The following GRM7 variants were observed in gnomAD, a reference collection of about 807,000 sequenced individuals.
GRM7 encodes the protein glutamate metabotropic receptor 7, also known as metabotropic glutamate receptor 7.
GRM7 carries 35 observed loss-of-function variants against 84.5 expected under a neutral mutation model. The ratio of observed to expected loss-of-function variants is 0.41; its 90% CI spans 0.32 to 0.55. The LOEUF is 0.55. Ranked by LOEUF, GRM7 falls within the 20% of genes least tolerant of loss-of-function variation. The probability of loss-of-function intolerance (pLI) is 0.19; values close to 1 mark genes in which losing one functional copy is unlikely to be tolerated. For missense variants in GRM7, 1,003 were observed against 1,194.6 expected (o/e 0.84, Z 2.36); for synonymous variants, 487 against 455.1 (o/e 1.07, Z -0.89).
intron 7 of GRM7, among the ~76,000 whole-genome samples, chr3:7,504,832 A>C (rs575133294): frequency 6.6e-6 from 1 of 152,280 alleles, no homozygotes; most frequent in Admixed American, 6.5e-5. Context: ...CCCAAAATTA[A>C]TGTCCTTCTT....
intron 2 of GRM7, among the ~76,000 whole-genome samples, chr3:7,163,405 T>C (rs899409045): frequency 1.3e-5 from 2 of 152,198 alleles, no homozygotes; most frequent in African/African-American, 4.8e-5. Context: ...CGCTTTCTCT[T>C]GAAGAAAACA....
At chr3:7,174,654 T>A (rs551318429) in intron 2 of GRM7, among the ~76,000 whole-genome samples, 1 of 152,290 alleles carries the variant, frequency 6.6e-6, no homozygotes, top group African/African-American at 2.4e-5. Context: ...ACCCTAAAAC[T>A]TCAGAGTCCA....
intron 1 of GRM7, among the ~76,000 whole-genome samples, chr3:7,008,845 C>T (rs338084): frequency 0.42 from 64,170 of 151,882 alleles, 15,740 homozygotes; most frequent in Non-Finnish European, 0.53. Context: ...GAATGAGACT[C>T]GAATTCTGTT....
chr3:7,221,034 T>G (rs1575048413), intron 2 of GRM7, among the ~76,000 whole-genome samples: 1 of 149,942 alleles, frequency 6.7e-6, no homozygotes, highest in Non-Finnish European at 1.5e-5. Context: ...GACACGGAGG[T>G]TGCAATGAGC....
intron 5 of GRM7, among the ~76,000 whole-genome samples, chr3:7,419,003 T>C (rs777969202): frequency 2.6e-5 from 4 of 152,188 alleles, no homozygotes; most frequent in Non-Finnish European, 5.9e-5. Flanking sequence ...GAAATTTTAC[T>C]AGCACATAGT....
intron 1 of GRM7, among the ~76,000 whole-genome samples, chr3:7,047,683 C>T (rs535032722): frequency 1.3e-5 from 2 of 152,134 alleles, no homozygotes; most frequent in East Asian, 3.9e-4. Context: ...TTCCAGTGTC[C>T]TGGATTCTAC....
At chr3:7,391,521 G>A (rs2125142730) in intron 4 of GRM7, among the ~76,000 whole-genome samples, 1 of 152,184 alleles carries the variant, frequency 6.6e-6, no homozygotes, top group Middle Eastern at 3.4e-3. Context: ...AGAACACTTG[G>A]ACACAGGGTG....
At chr3:6,893,257 C>T (rs1368606463) in intron 1 of GRM7, among the ~76,000 whole-genome samples, 1 of 152,074 alleles carries the variant, frequency 6.6e-6, no homozygotes, top group African/African-American at 2.4e-5. Flanking sequence ...CTATTTCTGG[C>T]ATATTGTAAC....
intron 1 of GRM7, among the ~76,000 whole-genome samples, chr3:6,920,096 C>A (rs1156397315): frequency 6.6e-6 from 1 of 152,172 alleles, no homozygotes; most frequent in Non-Finnish European, 1.5e-5. Context: ...ATATAACCAG[C>A]AGAAGCTGTA....
rs189050568 is a variant in GRM7, at chr3:7,433,166, A to G, written c.1174+18003A>G. ...TGGCCAGGTGGCAGTCTCATCTTCC[A>G]GTTCACTGGAATCATTTTTATGTAG... On this transcript the variant is annotated intron_variant, in intron 5 of 9. Coordinates refer to ENST00000357716, the MANE Select transcript of GRM7 (RefSeq NM_000844.4). Among the ~76,000 whole-genome samples the G allele has an allele frequency of 1.5e-3, 231 of 152,326 alleles. 1 individual carries two copies. The highest frequency in any genetic ancestry group is 5.1e-3 in the African/African-American group (212 of 41,586).
intron 1 of GRM7, among the ~76,000 whole-genome samples, chr3:7,078,236 A>G (rs902651503): frequency 4.6e-5 from 7 of 152,214 alleles, no homozygotes; most frequent in Non-Finnish European, 8.8e-5. Context: ...CAGCCTAGAT[A>G]GGCCAAGTGC....
At chr3:7,358,119 T>C (rs1461768079) in intron 4 of GRM7, among the ~76,000 whole-genome samples, 1 of 151,926 alleles carries the variant, frequency 6.6e-6, no homozygotes, top group East Asian at 1.9e-4. Flanking sequence ...TCCTGAGGGG[T>C]TGGTAGTTGA....
chr3:7,246,697 C>T (rs568282089), intron 2 of GRM7, among the ~76,000 whole-genome samples: 1 of 152,186 alleles, frequency 6.6e-6, no homozygotes, highest in South Asian at 2.1e-4. Flanking sequence ...CCTAAGAAGT[C>T]TCTCTAGTAG....
chr3:7,361,551 T>C (rs1693664398), intron 4 of GRM7, among the ~76,000 whole-genome samples: 1 of 152,102 alleles, frequency 6.6e-6, no homozygotes. Flanking sequence ...ATTTGTTACT[T>C]GTGTTTTCCT....
intron 4 of GRM7, among the ~76,000 whole-genome samples, chr3:7,312,423 A>G (rs1277298539): frequency 2.0e-5 from 3 of 152,056 alleles, no homozygotes; most frequent in Non-Finnish European, 2.9e-5. Context: ...AAGTAGGTGG[A>G]CAACCTTTGG....
At chr3:7,539,301 T>C (rs554741044) in intron 7 of GRM7, among the ~76,000 whole-genome samples, 2 of 152,240 alleles carry the variant, frequency 1.3e-5, no homozygotes, top group Non-Finnish European at 2.9e-5. Flanking sequence ...CGTGCGTAAT[T>C]CCATGAAAAA....
intron 2 of GRM7, among the ~76,000 whole-genome samples, chr3:7,203,426 G>A (rs1696131884): frequency 6.6e-6 from 1 of 152,006 alleles, no homozygotes; most frequent in African/African-American, 2.4e-5. Context: ...TCCATATCGT[G>A]TACGTGTGTT....
rs1003041230 is a variant in GRM7, at chr3:7,683,885, T to C, written c.2698+3590T>C. 2.6e-5 allele frequency among the ~76,000 whole-genome samples: 4 copies of C among 152,212 alleles called. No homozygotes were observed. The South Asian group carries it at 6.2e-4, about 24-fold the overall frequency. ...CTAGGAAACTCAATTTGAGTCCACA[T>C]TGGATATAGCTCCCAAAGTTTTAGC... On this transcript the variant is annotated intron_variant, in intron 9 of 9. Transcript: ENST00000357716.
chr3:7,518,830 G>A (rs1299931179), intron 7 of GRM7, among the ~76,000 whole-genome samples: 1 of 152,222 alleles, frequency 6.6e-6, no homozygotes, highest in Non-Finnish European at 1.5e-5. Flanking sequence ...CTTCCTAAGT[G>A]AAAACTAGAC....
Sources: gnomAD v4.1 joint callset for allele counts (sites outside exome capture counted in the v4.1 genomes callset) on GRCh38, gnomAD v4.1.1 for gene constraint, MANE v1.5 for transcripts, NCBI Gene and HGNC (gene_info 2026-07-23, HGNC 2026-07-21) for gene names.